Variants in BICRA observed in about 807,000 individuals in gnomAD.
The protein encoded by BICRA is BRD4 interacting chromatin remodeling complex associated protein.
A neutral mutation model predicts 96.9 loss-of-function variants in BICRA; 31 were observed. That is an observed-to-expected ratio of 0.32 (90% CI 0.24 to 0.43). BICRA has a LOEUF of 0.43. BICRA is among the 20% of genes least tolerant of loss of function. BICRA has a pLI of 1.00. For missense variants in BICRA, 2,283 were observed against 2,190.3 expected (o/e 1.04, Z -0.84); for synonymous variants, 1,350 against 1,071.8 (o/e 1.26, Z -5.07).
At chr19:47,609,477 A>C (rs1440300517) in intron 1 of BICRA, among the ~76,000 whole-genome samples, 87 of 132,718 alleles carry the variant, frequency 6.6e-4, no homozygotes, top group South Asian at 1.0e-3. Context: ...TCCTATGGGG[A>C]CCCCCCCCCA....
chr19:47,647,430 A>C (rs1972476230), intron 1 of BICRA, among the ~76,000 whole-genome samples: 1 of 152,134 alleles, frequency 6.6e-6, no homozygotes, highest in Non-Finnish European at 1.5e-5. Context: ...TTTCTCTATC[A>C]TTTTGATGAT....
Position 47,694,987 on chromosome 19 carries a change from C to T in BICRA, c.2983C>T (p.Pro995Ser), listed in dbSNP as rs762909839. 1.3e-6 allele frequency: 2 copies of T among 1,549,628 alleles called. No homozygotes were observed. Among genetic ancestry groups the T allele is most frequent in the Admixed American group, 2.1e-5 (1 of 47,538 alleles). The part of the protein sequence containing the change: ...TSTSLGPLTS[P>S]AASVLVSGQA... ...CACCAGCCTGGGGCCCCTCACCAGCCCCGCTGCGTCTGTGCTGGTCAGTGG... is the reference window on the plus strand; with the variant it reads ...CACCAGCCTGGGGCCCCTCACCAGCTCCGCTGCGTCTGTGCTGGTCAGTGG... The change falls in exon 9 of 15, where the codon CCC becomes TCC. Residue 995 changes from proline to serine, a missense_variant. Coordinates refer to ENST00000594866, the MANE Select transcript of BICRA (RefSeq NM_001394372.1).
In BICRA at chr19:47,701,566, C is replaced by G. The variant is rs1254850121; in HGVS notation, c.3834C>G (p.Ala1278=). 1.3e-6 allele frequency: 2 copies of G among 1,552,928 alleles called. No individual in the cohort carries two copies. The highest frequency in any genetic ancestry group is 1.7e-6 in the Non-Finnish European group (2 of 1,149,064). Residue 1278 remains alanine (A), a synonymous_variant, in exon 15 of 15, where the codon GCC becomes GCG. Transcript: ENST00000594866. The surrounding 1 kb of genome is among the most constrained non-coding windows in gnomAD (Gnocchi z 5.4). ...CCTCTTCCTCCTCCTCCTCTGCCGC[C>G]TCCTCCTTGGACGCCGACGAGGACG... ...LSSSSSSSSA[A]SSLDADEDGP...
chr19:47,657,691 C>T (rs1972641135), intron 1 of BICRA, among the ~76,000 whole-genome samples: 2 of 151,984 alleles, frequency 1.3e-5, no homozygotes, highest in East Asian at 1.9e-4. Flanking sequence ...CCACCATGCC[C>T]GGCTGCTGTG....
At chr19:47,697,278 C>G (rs1973360922) in intron 11 of BICRA, among the ~76,000 whole-genome samples, 1 of 152,066 alleles carries the variant, frequency 6.6e-6, no homozygotes, top group South Asian at 2.1e-4. Context: ...GCCACCACGC[C>G]CAGCCCACCA....
chr19:47,618,465 G>C (rs1028816269), intron 1 of BICRA, among the ~76,000 whole-genome samples: 1 of 152,068 alleles, frequency 6.6e-6, no homozygotes, highest in Non-Finnish European at 1.5e-5. Context: ...CAGAGTAAAC[G>C]GTCACTATTG....
intron 1 of BICRA, among the ~76,000 whole-genome samples, chr19:47,653,324 C>T (rs930587385): frequency 7.8e-6 from 1 of 128,710 alleles, no homozygotes; most frequent in African/African-American, 3.0e-5. Flanking sequence ...TGCCTGGCCT[C>T]ATTCTATTTT....
intron 7 of BICRA, among the ~76,000 whole-genome samples, chr19:47,682,442 T>C (rs1419202770): frequency 6.6e-6 from 1 of 152,192 alleles, no homozygotes; most frequent in East Asian, 1.9e-4. Flanking sequence ...TTCAGATAAT[T>C]CACATTTCAA....
intron 1 of BICRA, among the ~76,000 whole-genome samples, chr19:47,628,000 C>T (rs1439772947): frequency 6.6e-6 from 1 of 152,116 alleles, no homozygotes; most frequent in East Asian, 1.9e-4. Flanking sequence ...GAACCCCTGA[C>T]CTCGTGATCC....
In BICRA at chr19:47,680,001, G is replaced by A. The variant is rs771998733; in HGVS notation, c.831G>A (p.Ser277=). The change falls in exon 6 of 15, where the codon TCG becomes TCA. Residue 277 remains serine (S), a synonymous_variant. Coordinates refer to ENST00000594866, the MANE Select transcript of BICRA (RefSeq NM_001394372.1). ...CCTCGGAGCCCGTGACGCTGGCGTC[G>A]GCCGGTGTCTCGCCACAGGGGGCTG... is the stretch of plus-strand genomic sequence containing the variant. ...AGPSEPVTLA[S]AGVSPQGAGL... is the part of the protein sequence containing the mutation. 4.0e-6 allele frequency: 6 copies of A among 1,488,988 alleles called. No individual in the cohort carries two copies. The South Asian group carries it at 5.2e-5, about 13-fold the overall frequency. 92.2% of individuals were successfully genotyped at this position (1,488,988 alleles called of 1,614,324 possible).
At chr19:47,611,873 ATTT>A (rs748794734) in intron 1 of BICRA, among the ~76,000 whole-genome samples, 1 of 143,354 alleles carries the variant, frequency 7.0e-6, no homozygotes. Context: ...GTGGCATTTA[ATTT>A]TTTTTTTTTT....
intron 1 of BICRA, chr19:47,661,512 A>G (rs2974200): frequency 0.23 from 34,632 of 151,418 alleles, 4,178 homozygotes; most frequent in Middle Eastern, 0.31. Context: ...TACACATGGC[A>G]TCTCGGTGTC....
At position 47,620,052 on chromosome 19, in the gene BICRA, G is replaced by A. The variant is rs549213223; in HGVS notation, c.-108+10884G>A. Reference sequence around the variant, plus strand: ...TCACAGAGGGGGAGTCCTGCCCCGTGGAGTCCGTTGGGTTGAGCATCTTCG... The same window carrying A: ...TCACAGAGGGGGAGTCCTGCCCCGTAGAGTCCGTTGGGTTGAGCATCTTCG... On this transcript the variant is annotated intron_variant, in intron 1 of 14. Transcript: ENST00000594866. Among the ~76,000 whole-genome samples, 5 of 152,286 alleles carry A rather than the reference G, an allele frequency of 3.3e-5. No homozygotes were observed. The East Asian group carries it at 9.7e-4, about 29-fold the overall frequency.
At position 47,647,835 on chromosome 19, in the gene BICRA, C is replaced by T. The variant is rs138801742; in HGVS notation, c.-107-22608C>T. ...TGACCACACTGCACGGGGATCCTGT[C>T]CACGATGGGGGGTGTCCTGTTGGGC... On this transcript the variant is annotated intron_variant, in intron 1 of 14. Coordinates refer to ENST00000594866, the MANE Select transcript of BICRA (RefSeq NM_001394372.1). Among the ~76,000 whole-genome samples, 225 of 151,946 alleles carry T rather than the reference C, an allele frequency of 1.5e-3. 2 individuals are homozygous for T. The East Asian group carries it at 0.028, about 19-fold the overall frequency.
intron 7 of BICRA, among the ~76,000 whole-genome samples, chr19:47,685,778 T>TGCGC (rs1297376745): frequency 1.1e-4 from 14 of 131,726 alleles, no homozygotes; most frequent in African/African-American, 2.5e-4. Context: ...TGTGTGTGTG[T>TGCGC]GTGTGTGTGC....
intron 1 of BICRA, among the ~76,000 whole-genome samples, chr19:47,639,571 G>T (rs1336345183): frequency 6.7e-6 from 1 of 149,512 alleles, no homozygotes; most frequent in African/African-American, 2.5e-5. Flanking sequence ...CCTCGTGATC[G>T]CCCGTCTTGG....
rs1174939755 is a variant in BICRA, at chr19:47,699,885, T to G, written c.3595+480T>G. ...CTGCCAGAGTTTCCAGAATATTCCC[T>G]TAGCCTTTGCCCACATTCCAACTCC... On this transcript the variant is annotated intron_variant, in intron 14 of 14. Coordinates refer to ENST00000594866, the MANE Select transcript of BICRA (RefSeq NM_001394372.1). The surrounding 1 kb of genome is among the most constrained non-coding windows in gnomAD (Gnocchi z 5.0). The G allele has an allele frequency of 6.2e-6, 1 of 161,284 alleles. No individual in the cohort carries two copies. The allele number at this position is 161,284 out of a possible 1,614,324, so 10.0% of individuals were successfully genotyped here. A position where few individuals can be genotyped will look rare whatever the true frequency, so the allele number is the denominator to read the frequency against.
At chr19:47,685,799 G>GCGTGCGCGCGCGCGCA (rs141802949) in intron 7 of BICRA, among the ~76,000 whole-genome samples, 1 of 148,734 alleles carries the variant, frequency 6.7e-6, no homozygotes, top group Non-Finnish European at 1.5e-5. Flanking sequence ...GCGCGCGCGC[G>GCGTGCGCGCGCGCGCA]CATGCGTACA....
chr19:47,650,383 G>T (rs1259727893), intron 1 of BICRA, among the ~76,000 whole-genome samples: 1 of 152,024 alleles, frequency 6.6e-6, no homozygotes, highest in Non-Finnish European at 1.5e-5. Flanking sequence ...CTCCCGCCTT[G>T]GCCTCCCAAA....
Sources: gnomAD v4.1 joint callset for allele counts (sites outside exome capture counted in the v4.1 genomes callset) on GRCh38, gnomAD v4.1.1 for gene constraint, Gnocchi (gnomAD v3.1) non-coding constraint, MANE v1.5 for transcripts, NCBI Gene and HGNC (gene_info 2026-07-23, HGNC 2026-07-21) for gene names.